Variants in EPHA6 observed in about 807,000 individuals in gnomAD.
EPHA6 encodes ephrin type-A receptor 6.
Under a neutral mutation model 112.0 loss-of-function variants are expected in EPHA6, and 50 were observed. The ratio of observed to expected loss-of-function variants is 0.45; its 90% CI spans 0.36 to 0.56. EPHA6 has a LOEUF of 0.56. Ranked by LOEUF, EPHA6 falls within the 20% of genes least tolerant of loss-of-function variation. The probability of loss-of-function intolerance (pLI) is 0.00; values close to 1 mark genes in which losing one functional copy is unlikely to be tolerated. For synonymous variants in EPHA6, 529 were observed against 490.7 expected, an observed-to-expected ratio of 1.08 and a Z score of -1.03; for missense variants, 1,280 against 1,417.4, an observed-to-expected ratio of 0.90 and a Z score of 1.56.
intron 3 of EPHA6, among the ~76,000 whole-genome samples, chr3:97,072,264 A>G (rs1376249033): frequency 6.6e-6 from 1 of 152,134 alleles, no homozygotes; most frequent in Admixed American, 6.6e-5. Context: ...TATGAAAGTG[A>G]ACTTATTTAG....
chr3:96,930,063 T>C (rs2040234082), intron 2 of EPHA6, among the ~76,000 whole-genome samples: 1 of 152,260 alleles, frequency 6.6e-6, no homozygotes, highest in African/African-American at 2.4e-5. Flanking sequence ...TTTTCAGGTC[T>C]AACAGGTTAA....
chr3:97,511,357 G>A (rs914216811), intron 10 of EPHA6, among the ~76,000 whole-genome samples: 40 of 152,324 alleles, frequency 2.6e-4, no homozygotes, highest in African/African-American at 9.4e-4. Flanking sequence ...GAAGACTGTG[G>A]GAAAAGTGTA....
chr3:97,420,038 G>GA (rs1198170456), intron 6 of EPHA6, among the ~76,000 whole-genome samples: 6 of 152,098 alleles, frequency 3.9e-5, no homozygotes, highest in Non-Finnish European at 8.8e-5. Flanking sequence ...AAAGCCTTCT[G>GA]AAAAATGTCT....
chr3:96,898,628 G>C (rs904589758), intron 2 of EPHA6, among the ~76,000 whole-genome samples: 11 of 152,056 alleles, frequency 7.2e-5, no homozygotes, highest in African/African-American at 2.4e-4. Context: ...ATTATGACTA[G>C]TTAAAAGTAT....
intron 5 of EPHA6, among the ~76,000 whole-genome samples, chr3:97,276,590 C>T (rs970192049): frequency 2.0e-5 from 3 of 152,050 alleles, no homozygotes; most frequent in Admixed American, 1.3e-4. Context: ...TATTGTACAC[C>T]TTGAAGGTGA....
chr3:97,543,431 T>C (rs1445841848), intron 11 of EPHA6, among the ~76,000 whole-genome samples: 1 of 152,182 alleles, frequency 6.6e-6, no homozygotes, highest in Non-Finnish European at 1.5e-5. Context: ...TTCTGAGGGC[T>C]CTGTTCTGTT....
chr3:97,183,998 T>A (rs1396863523), intron 3 of EPHA6, among the ~76,000 whole-genome samples: 3 of 152,114 alleles, frequency 2.0e-5, no homozygotes, highest in African/African-American at 7.2e-5. Context: ...AAAATCATCA[T>A]TGAAAGTTCG....
At chr3:97,232,940 CTGAG>C (rs1260644333) in intron 4 of EPHA6, among the ~76,000 whole-genome samples, 2 of 152,102 alleles carry the variant, frequency 1.3e-5, no homozygotes, top group African/African-American at 4.8e-5. Flanking sequence ...TTTTTTCTTA[CTGAG>C]TGTTTCTAGG....
In EPHA6 at chr3:97,146,947, G is replaced by A. The variant is rs150561657; in HGVS notation, c.1115-79317G>A. Among the ~76,000 whole-genome samples, 138 of 152,044 alleles carry A rather than the reference G, an allele frequency of 9.1e-4. 1 individual carries two copies. Among genetic ancestry groups the A allele is most frequent in the African/African-American group, 2.9e-3 (122 of 41,522 alleles). On this transcript the variant is annotated intron_variant, in intron 3 of 17. Transcript: ENST00000389672. ...TAATTAAAAAAATAAATTTTAAAAT[G>A]CAAATCTTATTTGTCATGCTCTTCC... is the stretch of plus-strand genomic sequence containing the variant.
At chr3:97,039,319 A>G (rs1423877689) in intron 3 of EPHA6, among the ~76,000 whole-genome samples, 2 of 152,108 alleles carry the variant, frequency 1.3e-5, no homozygotes, top group Admixed American at 6.6e-5. Flanking sequence ...GTTCAGCTAC[A>G]TAGAATGCTG....
rs1225228367 is a variant in EPHA6, at chr3:97,362,649, C to T, written c.1607-42501C>T. On this transcript the variant is annotated intron_variant, in intron 5 of 17. Coordinates refer to ENST00000389672, the MANE Select transcript of EPHA6 (RefSeq NM_001080448.3). ...AATGTCATTTAGGTATACTTTGTTT[C>T]ATGCTATTTTTTGAAAAAATACAGC... Among the ~76,000 whole-genome samples, 11 of 152,036 alleles carry T rather than the reference C, an allele frequency of 7.2e-5. No homozygotes were observed. In the South Asian group the frequency reaches 1.0e-3, roughly 14 times the overall value.
intron 12 of EPHA6, among the ~76,000 whole-genome samples, chr3:97,603,412 C>T (rs1347894548): frequency 6.6e-6 from 1 of 151,916 alleles, no homozygotes; most frequent in Admixed American, 6.6e-5. Flanking sequence ...TGCAGATCAC[C>T]TTTCCTAATT....
At chr3:97,561,150 G>C (rs1250351208) in intron 11 of EPHA6, among the ~76,000 whole-genome samples, 1 of 151,874 alleles carries the variant, frequency 6.6e-6, no homozygotes, top group African/African-American at 2.4e-5. Context: ...ATTGAAGTTA[G>C]GCCAATTAAT....
chr3:97,185,352 C>T (rs542152667), intron 3 of EPHA6, among the ~76,000 whole-genome samples: 14 of 152,196 alleles, frequency 9.2e-5, no homozygotes, highest in African/African-American at 3.1e-4. Context: ...CTATAATGAA[C>T]TCCAACAAAT....
intron 5 of EPHA6, among the ~76,000 whole-genome samples, chr3:97,264,107 T>G (rs1576798701): frequency 6.6e-6 from 1 of 152,352 alleles, no homozygotes; most frequent in South Asian, 2.1e-4. Context: ...ATGAAAGTGT[T>G]ACAGGATCTT....
intron 3 of EPHA6, among the ~76,000 whole-genome samples, chr3:97,087,376 A>G (rs1307149164): frequency 1.3e-5 from 2 of 152,148 alleles, no homozygotes; most frequent in Admixed American, 6.5e-5. Flanking sequence ...TAAATTTAGC[A>G]TGGGAGAGTA....
chr3:97,045,161 G>A (rs542517559), intron 3 of EPHA6, among the ~76,000 whole-genome samples: 32 of 151,940 alleles, frequency 2.1e-4, no homozygotes, highest in South Asian at 1.9e-3. Flanking sequence ...GTGATATTTG[G>A]TGATCTAAAA....
At chr3:97,084,286 G>A (rs1171488124) in intron 3 of EPHA6, among the ~76,000 whole-genome samples, 1 of 150,868 alleles carries the variant, frequency 6.6e-6, no homozygotes, top group Non-Finnish European at 1.5e-5. Flanking sequence ...AAAAAAGTTA[G>A]AGCCAAATAT....
At chr3:97,022,955 T>C (rs2044513338) in intron 3 of EPHA6, among the ~76,000 whole-genome samples, 1 of 152,196 alleles carries the variant, frequency 6.6e-6, no homozygotes, top group Non-Finnish European at 1.5e-5. Flanking sequence ...TTCATATCCT[T>C]GCTTCATCAA....
Sources: allele counts gnomAD v4.1 joint callset (sites outside exome capture counted in the v4.1 genomes callset), GRCh38; gene constraint gnomAD v4.1.1; transcripts MANE v1.5; gene names NCBI Gene and HGNC (gene_info 2026-07-23, HGNC 2026-07-21).